The following BRI3 variants were observed in gnomAD, a reference collection of about 807,000 sequenced individuals.
BRI3 encodes brain protein I3, also known as membrane protein BRI3.
Under a neutral mutation model 12.8 loss-of-function variants are expected in BRI3, and 6 were observed. The observed-to-expected ratio is 0.47, with a 90% confidence interval of 0.26 to 0.93. The LOEUF (loss-of-function observed/expected upper bound fraction) is 0.93. Ranked by LOEUF, BRI3 falls within the 40% of genes least tolerant of loss-of-function variation. The pLI is 0.15. For synonymous variants in BRI3, 91 were observed against 76.1 expected (o/e 1.20, Z -1.02); for missense variants, 134 against 171.1 (o/e 0.78, Z 1.21).
chr7:98,301,569 G>A (rs1028481201), upstream of BRI3, among the ~76,000 whole-genome samples: 3 of 151,554 alleles, frequency 2.0e-5, no homozygotes, highest in East Asian at 1.9e-4. Context: ...CGCCCACTTC[G>A]GACTCCCAAA....
At chr7:98,319,011 C>G in the BRI3 span, among the ~76,000 whole-genome samples, 1 of 151,094 alleles carries the variant, frequency 6.6e-6, no homozygotes, top group Non-Finnish European at 1.5e-5. Flanking sequence ...AATTAGATAA[C>G]GTATGTAAAT....
At chr7:98,312,737 T>A (rs1360264869), downstream of BRI3, among the ~76,000 whole-genome samples, 1 of 113,638 alleles carries the variant, frequency 8.8e-6, no homozygotes, top group Non-Finnish European at 1.8e-5. Flanking sequence ...GTCCTGAGAG[T>A]CTGTCTATGG....
At chr7:98,286,959 G>T (rs1308399675) in intron 2 of BRI3, among the ~76,000 whole-genome samples, 1 of 152,208 alleles carries the variant, frequency 6.6e-6, no homozygotes, top group Non-Finnish European at 1.5e-5. Context: ...GAATCCTGGG[G>T]GGTAGGGAAT....
exon 2 of BRI3, chr7:98,310,406 TA>T: frequency 6.4e-7 from 1 of 1,558,366 alleles, no homozygotes; most frequent in Non-Finnish European, 8.7e-7. Flanking sequence ...AAAACAAATG[TA>T]AAAGGTATCT....
chr7:98,321,846 T>C, the BRI3 span, among the ~76,000 whole-genome samples: 1 of 152,148 alleles, frequency 6.6e-6, no homozygotes, highest in African/African-American at 2.4e-5. Context: ...CCTGTCATCC[T>C]AGCACTTTTG....
chr7:98,310,910 T>C (rs190312089), downstream of BRI3, among the ~76,000 whole-genome samples: 5 of 152,070 alleles, frequency 3.3e-5, no homozygotes, highest in Admixed American at 3.3e-4. Context: ...GGTCTCAAAC[T>C]TCTGACCTCA....
intron 2 of BRI3, among the ~76,000 whole-genome samples, chr7:98,284,580 A>C (rs1799649528): frequency 6.6e-6 from 1 of 152,002 alleles, no homozygotes; most frequent in African/African-American, 2.4e-5. Context: ...ACATGACCAC[A>C]CTTCCTCCTG....
intron 1 of BRI3, among the ~76,000 whole-genome samples, chr7:98,298,379 G>A (rs1350864013): frequency 4.6e-5 from 7 of 152,176 alleles, no homozygotes; most frequent in African/African-American, 1.7e-4. Context: ...TTGGGAGGCC[G>A]AGGCAGACGG....
At chr7:98,311,994 G>A, downstream of BRI3, 3 of 1,207,898 alleles carry the variant, frequency 2.5e-6, no homozygotes, top group South Asian at 1.5e-5. Context: ...GGTCCTGGAA[G>A]TAATAAAGGG....
downstream of BRI3, among the ~76,000 whole-genome samples, chr7:98,312,856 CT>C (rs1800922726): frequency 6.6e-6 from 1 of 152,180 alleles, no homozygotes; most frequent in African/African-American, 2.4e-5. Flanking sequence ...ACCCGCAACC[CT>C]GGAGGCAGAG....
chr7:98,306,520 C>T (rs1562966870), upstream of BRI3: 2 of 1,614,036 alleles, frequency 1.2e-6, no homozygotes, highest in Non-Finnish European at 1.7e-6. Flanking sequence ...ACCCCTCCTA[C>T]CGGCAAAGAG....
At chr7:98,317,333 T>C in the BRI3 span, 5 of 1,614,182 alleles carry the variant, frequency 3.1e-6, no homozygotes, top group Non-Finnish European at 4.2e-6. Context: ...TCTTGTGTTC[T>C]GTTTGGTATC....
downstream of BRI3, chr7:98,292,081 A>G (rs1799982005): frequency 6.5e-6 from 1 of 153,804 alleles, no homozygotes; most frequent in South Asian, 2.0e-4. Context: ...TCCTCCCAGG[A>G]GAAGCAGATG....
downstream of BRI3, chr7:98,292,221 A>T (rs1132971): frequency 3.0e-5 from 6 of 203,042 alleles, no homozygotes; most frequent in Non-Finnish European, 5.1e-5. Flanking sequence ...AGGAGAGGGG[A>T]TAAGTCACAG....
the BRI3 span, chr7:98,323,168 G>T: frequency 6.6e-6 from 1 of 152,150 alleles, no homozygotes; most frequent in East Asian, 1.9e-4. Flanking sequence ...TGAGAAAACC[G>T]ACAGACCAGA....
At chr7:98,285,292 T>C (rs985237535) in intron 2 of BRI3, among the ~76,000 whole-genome samples, 3 of 150,000 alleles carry the variant, frequency 2.0e-5, no homozygotes, top group African/African-American at 7.4e-5. Context: ...GGGCACGGGG[T>C]GGTGACTGTG....
In BRI3 at chr7:98,281,772, A is replaced by G. The variant is rs1799523098; in HGVS notation, c.-24A>G. The G allele has an allele frequency of 9.3e-7, 1 of 1,074,326 alleles. No homozygotes were observed. 66.5% of individuals were successfully genotyped at this position (1,074,326 alleles called of 1,614,324 possible). On this transcript the variant is annotated 5_prime_UTR_variant, in exon 1 of 3. Coordinates refer to ENST00000297290, the MANE Select transcript of BRI3 (RefSeq NM_015379.5). ...GGCCGACCGAGCCGAGCCGGGCCGG[A>G]GCGGCGGGCGCGGCCGGGCCGCCAT...
downstream of BRI3, chr7:98,292,646 A>T (rs1800016508): frequency 6.4e-7 from 1 of 1,551,618 alleles, no homozygotes; most frequent in Non-Finnish European, 8.7e-7. Context: ...CAGGCACCAG[A>T]GGTCATCCTG....
intron 2 of BRI3, among the ~76,000 whole-genome samples, chr7:98,283,685 A>G (rs1471758235): frequency 6.6e-6 from 1 of 152,134 alleles, no homozygotes; most frequent in Non-Finnish European, 1.5e-5. Flanking sequence ...CCTGCGTGTC[A>G]TTGTCCATGC....
Sources: gnomAD v4.1 joint callset for allele counts (sites outside exome capture counted in the v4.1 genomes callset) on GRCh38, gnomAD v4.1.1 for gene constraint, MANE v1.5 for transcripts, NCBI Gene and HGNC (gene_info 2026-07-23, HGNC 2026-07-21) for gene names.